SCN4B: variants seen among roughly 807,000 people sequenced by gnomAD.
SCN4B encodes sodium voltage-gated channel beta subunit 4, also known as sodium channel regulatory subunit beta-4.
In SCN4B, 20 loss-of-function variants were observed where a neutral mutation model predicts 19.6. The ratio of observed to expected loss-of-function variants is 1.02; its 90% CI spans 0.72 to 1.48. The LOEUF (loss-of-function observed/expected upper bound fraction) is 1.48, where lower values mean the gene tolerates loss of function less well. Among genes scored for constraint, SCN4B ranks in the 40% most tolerant of loss-of-function variants. SCN4B has a pLI of 0.00. For missense variants in SCN4B, 271 were observed against 287.5 expected (o/e 0.94, Z 0.42); for synonymous variants, 127 against 122.8 (o/e 1.03, Z -0.22).
At chr11:118,145,530 C>T (rs909729599) in intron 1 of SCN4B, 2 of 1,243,986 alleles carry the variant, frequency 1.6e-6, no homozygotes, top group East Asian at 8.9e-5. Flanking sequence ...TGCCGCGAAC[C>T]GCGCCCCGGC....
chr11:118,143,977 T>C lies in SCN4B; in HGVS notation c.319A>G (p.Thr107Ala). 2 of 1,614,192 alleles carry C rather than the reference T, an allele frequency of 1.2e-6. No individual in the cohort carries two copies. The highest frequency in any genetic ancestry group is 1.1e-5 in the South Asian group (1 of 91,084). ...GAAATGTTGTTCATCTTCTCCTTAG[T>C]AGAGCCTACCAGAGTGATGCGGTCA... ...DDDRITLVGS[T>A]KEKMNNISIV... Residue 107 changes from threonine (T) to alanine (A), a missense_variant, in exon 3 of 5, where the codon ACT becomes GCT. Thr to Ala is a moderately conservative substitution (Grantham distance 58, BLOSUM62 0). Transcript: ENST00000324727.
At position 118,134,278 on chromosome 11, in the gene SCN4B, T is replaced by C. The variant is rs1483975588; in HGVS notation, c.*2749A>G. The C allele has an allele frequency of 4.4e-6, 2 of 454,160 alleles. No homozygotes were observed. The highest frequency in any genetic ancestry group is 6.9e-5 in the East Asian group (1 of 14,396). 28.1% of individuals were successfully genotyped at this position (454,160 alleles called of 1,614,324 possible). ...AACTTTGTCTTTAGTCTCGCTGACA[T>C]CACTCAGCCCAGCTGCATGTGGCCA... On this transcript the variant is annotated 3_prime_UTR_variant, in exon 5 of 5. Transcript: ENST00000324727.
intron 4 of SCN4B, among the ~76,000 whole-genome samples, chr11:118,138,873 T>C (rs2135499318): frequency 6.6e-6 from 1 of 152,212 alleles, no homozygotes; most frequent in South Asian, 2.1e-4. Context: ...TCAGAATCAA[T>C]GGTGAGATGT....
chr11:118,150,647 C>T (rs1323686936), intron 1 of SCN4B, among the ~76,000 whole-genome samples: 2 of 152,232 alleles, frequency 1.3e-5, no homozygotes, highest in African/African-American at 4.8e-5. Flanking sequence ...CCTCTCTGGA[C>T]CATGACTTCC....
intron 4 of SCN4B, 76 bp from the exon 5 acceptor site, chr11:118,137,196 GC>G (rs1181549624): frequency 9.1e-7 from 1 of 1,095,222 alleles, no homozygotes; most frequent in Non-Finnish European, 1.4e-6. Context: ...GGAGCCGTGG[GC>G]CCTGCACCCA....
At chr11:118,138,592 T>C (rs1948054523) in intron 4 of SCN4B, among the ~76,000 whole-genome samples, 1 of 152,156 alleles carries the variant, frequency 6.6e-6, no homozygotes, top group Admixed American at 6.5e-5. Flanking sequence ...TCCATAATTC[T>C]CTACTGAGAA....
At position 118,144,050 on chromosome 11, in the gene SCN4B, C is replaced by A. The variant is rs1197891617; in HGVS notation, c.246G>T (p.Gly82=). The A allele has an allele frequency of 6.2e-7, 1 of 1,611,610 alleles. No individual in the cohort carries two copies. The highest frequency in any genetic ancestry group is 2.2e-5 in the East Asian group (1 of 44,892). Residue 82 remains glycine (G), a synonymous_variant, in exon 3 of 5, where the codon GGG becomes GGT. Coordinates refer to ENST00000324727, the MANE Select transcript of SCN4B (RefSeq NM_174934.4). The part of the protein sequence containing the change: ...SSDAFKILIE[G]TVKNEKSDPK... ...GGTCAGACTTCTCATTCTTCACAGTCCCCTCTATGAGCTGGTGGAGGAAGG... is the reference window on the plus strand; with the variant it reads ...GGTCAGACTTCTCATTCTTCACAGTACCCTCTATGAGCTGGTGGAGGAAGG...
chr11:118,147,154 C>T (rs1016890248), intron 1 of SCN4B, among the ~76,000 whole-genome samples: 8 of 152,110 alleles, frequency 5.3e-5, no homozygotes, highest in African/African-American at 1.7e-4. Context: ...AACCACGGTG[C>T]GAGAGGATTT....
At position 118,135,537 on chromosome 11, in the gene SCN4B, C is replaced by T. The variant is rs910214980; in HGVS notation, c.*1490G>A. The T allele has an allele frequency of 1.5e-5, 7 of 453,994 alleles. No individual in the cohort carries two copies. The highest frequency in any genetic ancestry group is 3.1e-5 in the Non-Finnish European group (7 of 226,796). 28.1% of individuals were successfully genotyped at this position (453,994 alleles called of 1,614,324 possible). ...CCCTGGCCTCACCAATTCTGCCCAA[C>T]AAGGACTCAGGAGATCCCACTCCCA... is the stretch of plus-strand genomic sequence containing the variant. On this transcript the variant is annotated 3_prime_UTR_variant, in exon 5 of 5. Transcript: ENST00000324727.
chr11:118,135,694 G>A lies in SCN4B; in HGVS notation c.*1333C>T, dbSNP rs1408919547. The A allele has an allele frequency of 4.4e-6, 2 of 454,332 alleles. No homozygotes were observed. The highest frequency in any genetic ancestry group is 8.8e-6 in the Non-Finnish European group (2 of 226,746). 28.1% of individuals were successfully genotyped at this position (454,332 alleles called of 1,614,324 possible). A position where few individuals can be genotyped will look rare whatever the true frequency, so the allele number is the denominator to read the frequency against. On this transcript the variant is annotated 3_prime_UTR_variant, in exon 5 of 5. Coordinates refer to ENST00000324727, the MANE Select transcript of SCN4B (RefSeq NM_174934.4). ...TGACCCTGGGGAGGGGAGGGCTGGC[G>A]AACCCTCACCAGCACCACACCAGAC... is the stretch of plus-strand genomic sequence containing the variant.
In SCN4B at chr11:118,136,772, CCA is replaced by C. The variant is rs749107016; in HGVS notation, c.*253_*254del. 1 of 610,428 alleles carries C rather than the reference CCA, an allele frequency of 1.6e-6. No individual in the cohort carries two copies. Among genetic ancestry groups the C allele is most frequent in the Non-Finnish European group, 3.1e-6 (1 of 327,484 alleles). The allele number at this position is 610,428 out of a possible 1,614,324, so 37.8% of individuals were successfully genotyped here. ...GTGTCAGGGGACCAGCCCCTCCACA[CCA>C]CCCTAGCCTCTCCTTTCTTTCTCCT... On this transcript the variant is annotated 3_prime_UTR_variant, in exon 5 of 5. Transcript: ENST00000324727.
intron 3 of SCN4B, 93 bp from the exon 4 acceptor site, chr11:118,141,429 C>A: frequency 1.3e-6 from 2 of 1,499,758 alleles, no homozygotes; most frequent in Admixed American, 1.7e-5. Flanking sequence ...GGCCATGTAG[C>A]CTCCACCCCC....
rs1341627207 is a variant in SCN4B at position 118,145,056 on chromosome 11, C to A, written c.234+1G>T. 4 of 1,614,020 alleles carry A rather than the reference C, an allele frequency of 2.5e-6. No homozygotes were observed. Among genetic ancestry groups the A allele is most frequent in the Non-Finnish European group, 3.4e-6 (4 of 1,179,922 alleles). On this transcript the variant is annotated splice_donor_variant, in intron 2 of 4. Coordinates refer to ENST00000324727, the MANE Select transcript of SCN4B (RefSeq NM_174934.4). LOFTEE classifies it high-confidence loss of function. ...GTACTGTTCTTCCTCCAAATACTTA[C>A]AATCTTGAATGCGTCACTGCTGTTG...
In SCN4B at chr11:118,144,150, G is replaced by T. The variant is rs190131478; in HGVS notation, c.235-89C>A. 31 of 858,412 alleles carry T rather than the reference G, an allele frequency of 3.6e-5. No individual in the cohort carries two copies. The Admixed American group carries it at 5.0e-4, about 14-fold the overall frequency. 53.2% of individuals were successfully genotyped at this position (858,412 alleles called of 1,614,324 possible). A position where few individuals can be genotyped will look rare whatever the true frequency, so the allele number is the denominator to read the frequency against. On this transcript the variant is annotated intron_variant, in intron 2 of 4. Transcript: ENST00000324727. ...ATGACATCACACCAGCCCACTCCTT[G>T]GATGCCTCCCCTGTCCAGGACCAGG...
At chr11:118,151,326 C>T (rs991235540) in intron 1 of SCN4B, among the ~76,000 whole-genome samples, 3 of 152,100 alleles carry the variant, frequency 2.0e-5, no homozygotes, top group Non-Finnish European at 2.9e-5. Context: ...GCCATTGCCA[C>T]CATGGGGACC....
chr11:118,151,006 T>A (rs1948228110), intron 1 of SCN4B, among the ~76,000 whole-genome samples: 1 of 152,126 alleles, frequency 6.6e-6, no homozygotes. Flanking sequence ...TCTAAACCTA[T>A]ATCAATAGGC....
rs865908705 is a variant in SCN4B, at chr11:118,133,544, C to T, written c.*3483G>A. 2.6e-5 allele frequency: 12 copies of T among 454,378 alleles called. No individual in the cohort carries two copies. Among genetic ancestry groups the T allele is most frequent in the East Asian group, 1.4e-4 (2 of 14,394 alleles). The allele number at this position is 454,378 out of a possible 1,614,324, so 28.1% of individuals were successfully genotyped here. ...CCAGAGGCACTCGCACACCTGAGGC[C>T]TCCCAAGGCCTGTTGTTGCATCATT... On this transcript the variant is annotated 3_prime_UTR_variant, in exon 5 of 5. Transcript: ENST00000324727.
chr11:118,142,712 G>A (rs1043446456), intron 3 of SCN4B: 1 of 152,172 alleles, frequency 6.6e-6, no homozygotes, highest in Non-Finnish European at 1.5e-5. Context: ...TACAGATGGA[G>A]AGACGATCCA....
chr11:118,147,819 A>G (rs968582247), intron 1 of SCN4B, among the ~76,000 whole-genome samples: 1 of 152,162 alleles, frequency 6.6e-6, no homozygotes, highest in Non-Finnish European at 1.5e-5. Flanking sequence ...GCTCCTCCTC[A>G]TCAGCATACC....
Sources: gnomAD v4.1 joint callset for allele counts (sites outside exome capture counted in the v4.1 genomes callset) on GRCh38, gnomAD v4.1.1 for gene constraint, MANE v1.5 for transcripts, NCBI Gene and HGNC (gene_info 2026-07-23, HGNC 2026-07-21) for gene names.